The following OSR1 variants were observed in gnomAD, a reference collection of about 807,000 sequenced individuals.
OSR1 encodes the protein protein odd-skipped-related 1.
In OSR1, 3 loss-of-function variants were observed where a neutral mutation model predicts 15.7. The ratio of observed to expected loss-of-function variants is 0.19; its 90% CI spans 0.09 to 0.50. OSR1 has a LOEUF of 0.50. OSR1 is among the 20% of genes least tolerant of loss of function. The pLI, the probability that OSR1 is intolerant of heterozygous loss-of-function variation, is 0.97. For synonymous variants in OSR1, 166 were observed against 152.7 expected, an observed-to-expected ratio of 1.09 and a Z score of -0.64; for missense variants, 271 against 351.1, an observed-to-expected ratio of 0.77 and a Z score of 1.82.
chr2:19,354,595 T>G (rs1436303865), intron 1 of OSR1: 1 of 152,306 alleles, frequency 6.6e-6, no homozygotes, highest in African/African-American at 2.4e-5. Flanking sequence ...ACCTTAAATC[T>G]GCTTCCCTGC....
At chr2:19,348,456 C>T (rs1177035621), downstream of OSR1, 1 of 154,228 alleles carries the variant, frequency 6.5e-6, no homozygotes, top group Non-Finnish European at 1.5e-5. Flanking sequence ...TGTGACGTCA[C>T]GGTGTCTGCG....
In OSR1 at chr2:19,353,611, C is replaced by A; in HGVS notation, c.195G>T (p.Pro65=). ...CCGGCACTTTGGAGAAAGAAGAGCG[C>A]GGCAAGTGCATGGCCGGGTAGCCCA... The part of the protein sequence containing the change: ...WTLGYPAMHL[P]RSSFSKVPGT... Residue 65 remains proline, a synonymous_variant, in exon 2 of 3, where the codon CCG becomes CCT. Coordinates refer to ENST00000272223, the MANE Select transcript of OSR1 (RefSeq NM_145260.3). 6.2e-7 allele frequency: 1 copy of A among 1,614,234 alleles called. No homozygotes were observed. Among genetic ancestry groups the A allele is most frequent in the East Asian group, 2.2e-5 (1 of 44,882 alleles).
At chr2:19,346,746 C>T (rs1329407278), downstream of OSR1, 1 of 152,200 alleles carries the variant, frequency 6.6e-6, no homozygotes, top group Non-Finnish European at 1.5e-5. Flanking sequence ...CCAGCCTAGG[C>T]AACTGAGGGA....
the OSR1 span, among the ~76,000 whole-genome samples, chr2:19,346,078 A>T: frequency 1.3e-5 from 2 of 152,256 alleles, no homozygotes; most frequent in Admixed American, 6.5e-5. Context: ...TGCAAATGAT[A>T]GAAAGAAATC....
downstream of OSR1, among the ~76,000 whole-genome samples, chr2:19,348,084 G>A (rs924005194): frequency 6.6e-6 from 1 of 152,224 alleles, no homozygotes; most frequent in African/African-American, 2.4e-5. Context: ...GGAGGGCGGG[G>A]CCGCAGTGGG....
chr2:19,353,994 C>T (rs1180817293), intron 1 of OSR1, 157 bp from the exon 2 acceptor site: 1 of 638,236 alleles, frequency 1.6e-6, no homozygotes, highest in Non-Finnish European at 2.7e-6. Flanking sequence ...ACTGCCCTCA[C>T]AAAGAGGGTG....
At chr2:19,350,716 G>A (rs1306718531), downstream of OSR1, among the ~76,000 whole-genome samples, 2 of 151,990 alleles carry the variant, frequency 1.3e-5, no homozygotes, top group African/African-American at 4.8e-5. Context: ...TCTAACTGTG[G>A]GAAAACTAGA....
At chr2:19,346,044 C>A in the OSR1 span, among the ~76,000 whole-genome samples, 1 of 152,236 alleles carries the variant, frequency 6.6e-6, no homozygotes, top group African/African-American at 2.4e-5. Flanking sequence ...TGTCTACCTA[C>A]AGGATCCAAG....
chr2:19,358,332 T>G lies in OSR1; in HGVS notation c.-33+9A>C, dbSNP rs770930363. The G allele has an allele frequency of 3.9e-5, 6 of 152,314 alleles. No homozygotes were observed. The highest frequency in any genetic ancestry group is 7.3e-5 in the Non-Finnish European group (5 of 68,132). 9.4% of individuals were successfully genotyped at this position (152,314 alleles called of 1,614,324 possible). ...TTTGCTGAGCCCAGGCGCCCAGGACTGCAATTACCTTGTTCCGCAGAGGTC... is the reference window on the plus strand; with the variant it reads ...TTTGCTGAGCCCAGGCGCCCAGGACGGCAATTACCTTGTTCCGCAGAGGTC... On this transcript the variant is annotated intron_variant, in intron 1 of 2. Coordinates refer to ENST00000272223, the MANE Select transcript of OSR1 (RefSeq NM_145260.3).
At position 19,357,945 on chromosome 2, in the gene OSR1, A is replaced by T; in HGVS notation, c.-33+396T>A. ...CTCCCTCTCCCTTCCTTCTTCGTCA[A>T]CCTGGGCGTCAGCCAGAGCTAGGAG... is the stretch of plus-strand genomic sequence containing the variant. On this transcript the variant is annotated intron_variant, in intron 1 of 2. Coordinates refer to ENST00000272223, the MANE Select transcript of OSR1 (RefSeq NM_145260.3). The surrounding 1 kb of genome is among the most constrained non-coding windows in gnomAD (Gnocchi z 5.0). The T allele has an allele frequency of 1.3e-5, 2 of 152,304 alleles. No individual in the cohort carries two copies. The highest frequency in any genetic ancestry group is 3.9e-4 in the East Asian group (2 of 5,170). 9.4% of individuals were successfully genotyped at this position (152,304 alleles called of 1,614,324 possible).
chr2:19,349,934 C>A (rs567414953), downstream of OSR1, among the ~76,000 whole-genome samples: 1 of 152,352 alleles, frequency 6.6e-6, no homozygotes, highest in African/African-American at 2.4e-5. Context: ...ACAAACCACA[C>A]CACAACCTGC....
chr2:19,348,066 G>A (rs915370422), downstream of OSR1, among the ~76,000 whole-genome samples: 4 of 152,242 alleles, frequency 2.6e-5, no homozygotes, highest in Middle Eastern at 3.2e-3. Context: ...CGCTTGCGCA[G>A]TGGGAGAGGA....
In OSR1 at chr2:19,353,609, C is replaced by T. The variant is rs372422320; in HGVS notation, c.197G>A (p.Arg66His). 5 of 1,614,220 alleles carry T rather than the reference C, an allele frequency of 3.1e-6. No individual in the cohort carries two copies. In the Admixed American group the frequency reaches 5.0e-5, roughly 16 times the overall value. The change falls in exon 2 of 3, where the codon CGC becomes CAC. Residue 66 changes from arginine (R) to histidine (H), a missense_variant. Physicochemically the swap from Arg to His is conservative, Grantham distance 29. Around this residue, in one of 4 missense-constraint regions of OSR1, gnomAD observed 210 missense variants for 218.4 expected, o/e 0.96. Coordinates refer to ENST00000272223, the MANE Select transcript of OSR1 (RefSeq NM_145260.3). ...TLGYPAMHLP[R>H]SSFSKVPGTV... ...GCCCGGCACTTTGGAGAAAGAAGAG[C>T]GCGGCAAGTGCATGGCCGGGTAGCC...
chr2:19,355,208 T>C (rs1398392449), intron 1 of OSR1: 2 of 152,368 alleles, frequency 1.3e-5, no homozygotes, highest in East Asian at 3.9e-4. Flanking sequence ...CACAGCAGGG[T>C]CCGTGGGACT....
rs1046097754 is a variant in OSR1 at position 19,357,866 on chromosome 2, G to C, written c.-33+475C>G. On this transcript the variant is annotated intron_variant, in intron 1 of 2. Transcript: ENST00000272223. This position sits in a 1 kb window ranked among gnomAD's most constrained non-coding sequence, Gnocchi z 5.0. ...GACAAACTTGAACGAAAGCGCTACC[G>C]AGCTGGGGCATGCACCTGTCCCTGG... 6.6e-6 allele frequency: 1 copy of C among 152,310 alleles called. No individual in the cohort carries two copies. The highest frequency in any genetic ancestry group is 2.4e-5 in the African/African-American group (1 of 41,466). 9.4% of individuals were successfully genotyped at this position (152,310 alleles called of 1,614,324 possible).
intron 2 of OSR1, 37 bp downstream of exon 2, chr2:19,353,104 C>T (rs376903309): frequency 1.6e-5 from 26 of 1,602,732 alleles, no homozygotes; most frequent in Non-Finnish European, 2.0e-5. Flanking sequence ...AGGCCAGAGG[C>T]AGAGAGCTCT....
At chr2:19,354,395 A>T (rs1002713793) in intron 1 of OSR1, 4 of 149,806 alleles carry the variant, frequency 2.7e-5, no homozygotes, top group South Asian at 2.1e-4. Flanking sequence ...AATCTCACAC[A>T]CACACACACA....
Position 19,353,697 on chromosome 2 carries a change from G to A in OSR1, c.109C>T (p.His37Tyr). 1 of 1,614,208 alleles carries A rather than the reference G, an allele frequency of 6.2e-7. No individual in the cohort carries two copies. Among genetic ancestry groups the A allele is most frequent in the East Asian group, 2.2e-5 (1 of 44,876 alleles). ...CTGAAACCATACAGGTTGGGCAGAT[G>A]GTCCGAAGGCACTGTGGGCAGGCCG... ...VNGLPTVPSD[H>Y]LPNLYGFSAL... The change falls in exon 2 of 3, where the codon CAT (histidine) becomes TAT (tyrosine). Residue 37 changes from histidine to tyrosine, a missense_variant. By Grantham distance (83) the His-to-Tyr change is moderately conservative. This residue lies in a region of OSR1 where 210 missense variants were observed against 218.4 expected (regional missense o/e 0.96). Transcript: ENST00000272223.
rs564003979 is a variant in OSR1, at chr2:19,357,262, T to TA, written c.-33+1078dup. Among the ~76,000 whole-genome samples the TA allele has an allele frequency of 7.4e-4, 113 of 152,270 alleles. No individual in the cohort carries two copies. The highest frequency in any genetic ancestry group is 2.5e-3 in the African/African-American group (106 of 41,570). On this transcript the variant is annotated intron_variant, in intron 1 of 2. Transcript: ENST00000272223. The surrounding 1 kb of genome is among the most constrained non-coding windows in gnomAD (Gnocchi z 5.0). ...AGTCCCCTCCAGCGCTTCTCTTCCC[T>TA]AGGGGGTTGTGAACCTGGGACACCT...
Sources: allele counts gnomAD v4.1 joint callset (sites outside exome capture counted in the v4.1 genomes callset), GRCh38; gene constraint gnomAD v4.1.1; regional missense constraint gnomAD v4.1.1; non-coding constraint Gnocchi (gnomAD v3.1); transcripts MANE v1.5; gene names NCBI Gene and HGNC (gene_info 2026-07-23, HGNC 2026-07-21).